Variants in WDR37 observed in about 807,000 individuals in gnomAD.
WDR37 encodes WD repeat-containing protein 37.
In WDR37, 19 loss-of-function variants were observed where a neutral mutation model predicts 62.9. That is an observed-to-expected ratio of 0.30 (90% CI 0.21 to 0.44). WDR37 has a LOEUF of 0.44. Among genes scored for constraint, WDR37 ranks in the 20% least tolerant of loss-of-function variants. The probability of loss-of-function intolerance (pLI) is 1.00; values close to 1 mark genes in which losing one functional copy is unlikely to be tolerated. For missense variants in WDR37, 474 were observed against 657.6 expected, an observed-to-expected ratio of 0.72 and a Z score of 3.05; for synonymous variants, 250 against 260.9, an observed-to-expected ratio of 0.96 and a Z score of 0.40.
chr10:1,073,573 A>G (rs1174857997), intron 2 of WDR37, among the ~76,000 whole-genome samples: 1 of 152,236 alleles, frequency 6.6e-6, no homozygotes, highest in African/African-American at 2.4e-5. Context: ...TGGTATTCTT[A>G]GTGTATTACT....
At chr10:1,074,458 C>G in intron 2 of WDR37, 1 of 1,304,500 alleles carries the variant, frequency 7.7e-7, no homozygotes, top group Non-Finnish European at 1.0e-6. Flanking sequence ...CTAGACGGAG[C>G]TCATTTGTTC....
chr10:1,104,826 T>C (rs904854263), intron 10 of WDR37, among the ~76,000 whole-genome samples: 1 of 152,208 alleles, frequency 6.6e-6, no homozygotes, highest in Non-Finnish European at 1.5e-5. Flanking sequence ...AAGCAAAGAA[T>C]CAAGATTTAA....
intron 9 of WDR37, among the ~76,000 whole-genome samples, chr10:1,099,575 AT>A (rs1295633329): frequency 2.6e-5 from 4 of 152,248 alleles, no homozygotes; most frequent in Non-Finnish European, 5.9e-5. Context: ...TGTATTGTGT[AT>A]TAACACAGTT....
At position 1,105,909 on chromosome 10, in the gene WDR37, C is replaced by A. The variant is rs1425921906; in HGVS notation, c.1103+642C>A. ...CACGCCATTCTCCTGCCTCAGCCTCCCGAGTAGCTGGGACTAGAGGCACCT... is the reference window on the plus strand; with the variant it reads ...CACGCCATTCTCCTGCCTCAGCCTCACGAGTAGCTGGGACTAGAGGCACCT... On this transcript the variant is annotated intron_variant, in intron 11 of 13. Coordinates refer to ENST00000263150, the MANE Select transcript of WDR37 (RefSeq NM_014023.4). This position sits in a 1 kb window ranked among gnomAD's most constrained non-coding sequence, Gnocchi z 5.3. 3.9e-5 allele frequency among the ~76,000 whole-genome samples: 6 copies of A among 152,084 alleles called. No homozygotes were observed. The highest frequency in any genetic ancestry group is 1.4e-4 in the African/African-American group (6 of 41,400).
chr10:1,122,019 T>C (rs1176137481), intron 11 of WDR37, among the ~76,000 whole-genome samples: 1 of 152,016 alleles, frequency 6.6e-6, no homozygotes, highest in African/African-American at 2.4e-5. Context: ...TCAGCTGGTG[T>C]CCACTAAATG....
intron 1 of WDR37, among the ~76,000 whole-genome samples, chr10:1,071,589 A>G (rs1448071449): frequency 6.6e-6 from 1 of 152,256 alleles, no homozygotes; most frequent in Non-Finnish European, 1.5e-5. Flanking sequence ...GCTGAATTTC[A>G]AAGAGGTAAT....
At chr10:1,067,989 T>A (rs1236676933) in intron 1 of WDR37, among the ~76,000 whole-genome samples, 1 of 152,172 alleles carries the variant, frequency 6.6e-6, no homozygotes, top group African/African-American at 2.4e-5. Context: ...TCATGTCTCA[T>A]GTTCTCACAT....
intron 11 of WDR37, 175 bp from the exon 12 acceptor site, chr10:1,124,043 C>G: frequency 1.4e-6 from 1 of 714,142 alleles, no homozygotes; most frequent in Non-Finnish European, 2.3e-6. Context: ...ATCAGTTGTC[C>G]TTTTCTTGCA....
At chr10:1,057,856 T>C (rs1833243608) in intron 1 of WDR37, among the ~76,000 whole-genome samples, 1 of 152,246 alleles carries the variant, frequency 6.6e-6, no homozygotes, top group African/African-American at 2.4e-5. Context: ...GTTTTTCTCT[T>C]AAATTCAGTA....
rs555553335 is a variant in WDR37, at chr10:1,106,031, T to C, written c.1103+764T>C. On this transcript the variant is annotated intron_variant, in intron 11 of 13. Coordinates refer to ENST00000263150, the MANE Select transcript of WDR37 (RefSeq NM_014023.4). ...CGATCTCCTGACGTCGTGATCCGCCTGTCTCGGCCTCCCAAAGTGCTGGGA... is the reference window on the plus strand; with the variant it reads ...CGATCTCCTGACGTCGTGATCCGCCCGTCTCGGCCTCCCAAAGTGCTGGGA... Among the ~76,000 whole-genome samples, 46 of 152,192 alleles carry C rather than the reference T, an allele frequency of 3.0e-4. No individual in the cohort carries two copies. In the South Asian group the frequency reaches 6.4e-3, roughly 21 times the overall value.
chr10:1,107,804 C>T (rs1384714256), intron 11 of WDR37, among the ~76,000 whole-genome samples: 2 of 152,154 alleles, frequency 1.3e-5, no homozygotes, highest in Non-Finnish European at 2.9e-5. Context: ...TATTGCAGCA[C>T]TGCTGTCTCT....
chr10:1,081,469 A>C (rs1408763407), intron 5 of WDR37, among the ~76,000 whole-genome samples: 1 of 152,208 alleles, frequency 6.6e-6, no homozygotes, highest in Non-Finnish European at 1.5e-5. Flanking sequence ...TTAATTTAGC[A>C]TGACATCTAT....
intron 9 of WDR37, chr10:1,096,488 C>T (rs1834581542): frequency 1.1e-5 from 6 of 545,522 alleles, no homozygotes; most frequent in South Asian, 6.9e-5. Flanking sequence ...TTCTCAATCT[C>T]TCTGTCACTC....
intron 3 of WDR37, 57 bp from the exon 4 acceptor site, chr10:1,079,954 G>A (rs1833980726): frequency 6.8e-7 from 1 of 1,476,808 alleles, no homozygotes; most frequent in Admixed American, 1.8e-5. Flanking sequence ...TGGAAGTGGT[G>A]AGTACACTTA....
Position 1,103,135 on chromosome 10 carries a change from A to ATGACTCTTAT in WDR37, c.727-467_727-466insTGACTCTTAT, listed in dbSNP as rs2131661379. Among the ~76,000 whole-genome samples the ATGACTCTTAT allele has an allele frequency of 6.6e-6, 1 of 152,368 alleles. No homozygotes were observed. The highest frequency in any genetic ancestry group is 1.5e-5 in the Non-Finnish European group (1 of 68,038). On this transcript the variant is annotated intron_variant, in intron 9 of 13. Coordinates refer to ENST00000263150, the MANE Select transcript of WDR37 (RefSeq NM_014023.4). This position sits in a 1 kb window ranked among gnomAD's most constrained non-coding sequence, Gnocchi z 6.3. ...GGGGCTTGATGTTACAAAGGAAAAT[A>ATGACTCTTAT]GACTCTTATGACTATAGCAATAGAA...
At chr10:1,087,326 G>A (rs1416235770) in intron 7 of WDR37, among the ~76,000 whole-genome samples, 1 of 152,224 alleles carries the variant, frequency 6.6e-6, no homozygotes, top group Non-Finnish European at 1.5e-5. Flanking sequence ...CCTGGCGTGT[G>A]TGTGATTGGT....
chr10:1,072,379 G>A (rs1478219246), intron 2 of WDR37, 86 bp downstream of exon 2: 6 of 1,528,762 alleles, frequency 3.9e-6, no homozygotes, highest in Non-Finnish European at 5.3e-6. Context: ...GTGCGATGGT[G>A]CGATCTCCGC....
intron 11 of WDR37, among the ~76,000 whole-genome samples, chr10:1,108,434 A>C (rs1250952568): frequency 6.6e-6 from 1 of 151,966 alleles, no homozygotes; most frequent in Non-Finnish European, 1.5e-5. Flanking sequence ...CTGCTGTGCT[A>C]TTGGTGTGCT....
At chr10:1,058,212 A>G (rs1833261544) in intron 1 of WDR37, among the ~76,000 whole-genome samples, 3 of 152,342 alleles carry the variant, frequency 2.0e-5, no homozygotes, top group East Asian at 3.9e-4. Flanking sequence ...TCTCAACAGC[A>G]GTGTGACCTT....
Sources: allele counts gnomAD v4.1 joint callset (sites outside exome capture counted in the v4.1 genomes callset), GRCh38; gene constraint gnomAD v4.1.1; non-coding constraint Gnocchi (gnomAD v3.1); transcripts MANE v1.5; gene names NCBI Gene and HGNC (gene_info 2026-07-23, HGNC 2026-07-21).